The following PCDHGB3 variants were observed in gnomAD, a reference collection of about 807,000 sequenced individuals.
The protein encoded by PCDHGB3 is protocadherin gamma-B3.
A neutral mutation model predicts 59.2 loss-of-function variants in PCDHGB3; 40 were observed. The observed-to-expected ratio is 0.68, with a 90% CI of 0.52 to 0.88. The LOEUF (loss-of-function observed/expected upper bound fraction) is 0.88, where lower values mean the gene tolerates loss of function less well. Among genes scored for constraint, PCDHGB3 ranks in the 40% least tolerant of loss-of-function variants. PCDHGB3 has a pLI of 0.00. For missense variants in PCDHGB3, 1,309 were observed against 1,187.9 expected, an observed-to-expected ratio of 1.10 and a Z score of -1.50; for synonymous variants, 581 against 503.6, an observed-to-expected ratio of 1.15 and a Z score of -2.06.
At chr5:141,418,654 G>C (rs2096278227) in intron 1 of PCDHGB3, 1 of 1,614,016 alleles carries the variant, frequency 6.2e-7, no homozygotes, top group African/African-American at 1.3e-5. Context: ...TGAGAGTGAA[G>C]GCCACTGACC....
intron 2 of PCDHGB3, among the ~76,000 whole-genome samples, chr5:141,500,182 A>T (rs1050067271): frequency 4.6e-5 from 6 of 131,718 alleles, no homozygotes; most frequent in African/African-American, 1.9e-4. Context: ...CTTCATTTTT[A>T]TTTTTATTTA....
chr5:141,394,290 G>A (rs759077173), intron 1 of PCDHGB3: 11 of 1,613,800 alleles, frequency 6.8e-6, no homozygotes, highest in Non-Finnish European at 8.5e-6. Context: ...CTCTGTGACC[G>A]AGGACACGCT....
chr5:141,371,086 T>C lies in PCDHGB3; in HGVS notation c.692T>C (p.Ile231Thr), dbSNP rs1767472872. 2 of 1,613,836 alleles carry C rather than the reference T, an allele frequency of 1.2e-6. No individual in the cohort carries two copies. Among genetic ancestry groups the C allele is most frequent in the Admixed American group, 3.3e-5 (2 of 60,032 alleles). Reference protein sequence around the residue: ...SRSCTTQIRVIVADANDNPPV... With the variant: ...SRSCTTQIRVTVADANDNPPV... ...AGCTGTACCACCCAGATCAGGGTAA[T>C]TGTCGCAGATGCAAATGATAACCCC... Residue 231 changes from isoleucine (I) to threonine (T), a missense_variant, in exon 1 of 4, where the codon ATT becomes ACT. Physicochemically the swap from Ile to Thr is moderately conservative, Grantham distance 89 (BLOSUM62 -1). Transcript: ENST00000576222.
chr5:141,377,605 C>CAAAAAA (rs71576112), intron 1 of PCDHGB3: 1 of 140,678 alleles, frequency 7.1e-6, no homozygotes. Flanking sequence ...CTCTCTCTCT[C>CAAAAAA]AAAAAAAAAA....
chr5:141,489,427 C>T lies in PCDHGB3; in HGVS notation c.2416-5380C>T, dbSNP rs370540900. 83 of 1,613,990 alleles carry T rather than the reference C, an allele frequency of 5.1e-5. No individual in the cohort carries two copies. The highest frequency in any genetic ancestry group is 8.3e-5 in the Admixed American group (5 of 59,996). On this transcript the variant is annotated intron_variant, in intron 1 of 3. Transcript: ENST00000576222. The surrounding 1 kb of genome is among the most constrained non-coding windows in gnomAD (Gnocchi z 4.5). ...AAAGATGACAGATCTGTTGAGCCGGCGGCTGCAATTGGGCTCTGAGGAGAA... is the reference window on the plus strand; with the variant it reads ...AAAGATGACAGATCTGTTGAGCCGGTGGCTGCAATTGGGCTCTGAGGAGAA...
intron 1 of PCDHGB3, among the ~76,000 whole-genome samples, chr5:141,448,040 C>T (rs892207188): frequency 6.6e-6 from 1 of 151,850 alleles, no homozygotes; most frequent in Admixed American, 6.6e-5. Context: ...GAGCCAAGAT[C>T]ATGCCATTGC....
chr5:141,415,747 T>TTTTG, intron 1 of PCDHGB3: 2 of 797,626 alleles, frequency 2.5e-6, no homozygotes, highest in Non-Finnish European at 3.1e-6. Flanking sequence ...AAGGTTTTTT[T>TTTTG]TTTTTTTTTT....
chr5:141,428,204 C>G, intron 1 of PCDHGB3: 2 of 1,324,722 alleles, frequency 1.5e-6, no homozygotes, highest in Non-Finnish European at 1.1e-6. Context: ...TGCGCCGCTA[C>G]GCTTCACCTA....
chr5:141,503,556 G>A (rs1021346255), intron 2 of PCDHGB3, among the ~76,000 whole-genome samples: 1 of 145,962 alleles, frequency 6.9e-6, no homozygotes, highest in East Asian at 2.0e-4. Context: ...CCGAGATCGC[G>A]CCACTGTACT....
chr5:141,470,369 T>C (rs751264270), intron 1 of PCDHGB3, among the ~76,000 whole-genome samples: 2 of 152,226 alleles, frequency 1.3e-5, no homozygotes, highest in Non-Finnish European at 1.5e-5. Context: ...TTAGGTTGAA[T>C]GGAAAGACTA....
chr5:141,383,073 G>A, intron 1 of PCDHGB3: 1 of 1,613,920 alleles, frequency 6.2e-7, no homozygotes. Context: ...AGCCCCGGGA[G>A]CTGGCGGAGC....
In PCDHGB3 at chr5:141,461,259, T is replaced by C. The variant is rs114101293; in HGVS notation, c.2416-33548T>C. Among the ~76,000 whole-genome samples the C allele has an allele frequency of 4.2e-3, 640 of 152,290 alleles. 5 individuals are homozygous for C. The highest frequency in any genetic ancestry group is 0.015 in the African/African-American group (623 of 41,554). On this transcript the variant is annotated intron_variant, in intron 1 of 3. Coordinates refer to ENST00000576222, the MANE Select transcript of PCDHGB3 (RefSeq NM_018924.5). ...TACTAATTTATATTCCCAGCAGCAA[T>C]GTGTAAGTGTTCTCTTTTCCCCACA...
chr5:141,409,443 A>C (rs1276603306), intron 1 of PCDHGB3: 1 of 1,614,014 alleles, frequency 6.2e-7, no homozygotes, highest in East Asian at 2.2e-5. Context: ...GACCGAGAGC[A>C]GACACCAGAA....
At chr5:141,381,572 T>A (rs566489339) in intron 1 of PCDHGB3, among the ~76,000 whole-genome samples, 1 of 152,338 alleles carries the variant, frequency 6.6e-6, no homozygotes, top group African/African-American at 2.4e-5. Flanking sequence ...ATGAAAAGAA[T>A]CAGCCAATCC....
At chr5:141,483,487 A>G (rs777951096) in intron 1 of PCDHGB3, among the ~76,000 whole-genome samples, 4 of 152,006 alleles carry the variant, frequency 2.6e-5, no homozygotes, top group Non-Finnish European at 5.9e-5. Context: ...AGTGAGGGAC[A>G]GGGATGAGTC....
At chr5:141,483,917 T>A (rs565465724) in intron 1 of PCDHGB3, among the ~76,000 whole-genome samples, 2 of 151,262 alleles carry the variant, frequency 1.3e-5, no homozygotes, top group South Asian at 4.2e-4. Context: ...CCCACTCAGA[T>A]TGCAGGTCGT....
Position 141,477,931 on chromosome 5 carries a change from G to T in PCDHGB3, c.2416-16876G>T. 6.2e-7 allele frequency: 1 copy of T among 1,614,138 alleles called. No homozygotes were observed. Among genetic ancestry groups the T allele is most frequent in the Non-Finnish European group, 8.5e-7 (1 of 1,180,040 alleles). ...ACGCGGATGCAGGGCACAATGCCTG[G>T]CTCTCCTACAGTCTCTTGGGATCCC... On this transcript the variant is annotated intron_variant, in intron 1 of 3. Coordinates refer to ENST00000576222, the MANE Select transcript of PCDHGB3 (RefSeq NM_018924.5). This position sits in a 1 kb window ranked among gnomAD's most constrained non-coding sequence, Gnocchi z 4.9.
chr5:141,402,610 G>A (rs900326336), intron 1 of PCDHGB3, among the ~76,000 whole-genome samples: 1 of 152,168 alleles, frequency 6.6e-6, no homozygotes, highest in Admixed American at 6.5e-5. Context: ...AAATACAAAT[G>A]CAAGAAACAA....
At chr5:141,478,840 A>G (rs2099480064) in intron 1 of PCDHGB3, 1 of 1,410,466 alleles carries the variant, frequency 7.1e-7, no homozygotes, top group Non-Finnish European at 9.3e-7. Context: ...AGGGATGGTT[A>G]AGCTAAAACA....
Sources: gnomAD v4.1 joint callset for allele counts (sites outside exome capture counted in the v4.1 genomes callset) on GRCh38, gnomAD v4.1.1 for gene constraint, Gnocchi (gnomAD v3.1) non-coding constraint, MANE v1.5 for transcripts, NCBI Gene and HGNC (gene_info 2026-07-23, HGNC 2026-07-21) for gene names.